The following ZNF385D variants were observed in gnomAD, a reference collection of about 807,000 sequenced individuals.
The protein encoded by ZNF385D is zinc finger protein 659.
In ZNF385D, 15 loss-of-function variants were observed where a neutral mutation model predicts 35.8. The observed-to-expected ratio is 0.42, with a 90% confidence interval of 0.28 to 0.64. ZNF385D has a LOEUF of 0.64. Among genes scored for constraint, ZNF385D ranks in the 30% least tolerant of loss-of-function variants. ZNF385D has a pLI of 0.23. For missense variants in ZNF385D, 474 were observed against 494.6 expected, an observed-to-expected ratio of 0.96 and a Z score of 0.39; for synonymous variants, 212 against 186.8, an observed-to-expected ratio of 1.13 and a Z score of -1.10.
chr3:21,801,645 TA>T (rs2072408199), intron 3 of ZNF385D, among the ~76,000 whole-genome samples: 1 of 152,106 alleles, frequency 6.6e-6, no homozygotes, highest in Non-Finnish European at 1.5e-5. Flanking sequence ...ATAGGAAAAC[TA>T]CAAAGGAATA....
intron 3 of ZNF385D, among the ~76,000 whole-genome samples, chr3:21,792,253 T>C (rs576867869): frequency 6.6e-6 from 1 of 152,318 alleles, no homozygotes; most frequent in Admixed American, 6.5e-5. Flanking sequence ...GACATGCTGT[T>C]CTTTCATAGA....
At chr3:22,062,778 G>A (rs1699756601) in intron 3 of ZNF385D, among the ~76,000 whole-genome samples, 1 of 152,184 alleles carries the variant, frequency 6.6e-6, no homozygotes, top group Admixed American at 6.5e-5. Flanking sequence ...TGTATCTCTG[G>A]AAGATGCCAG....
intron 2 of ZNF385D, among the ~76,000 whole-genome samples, chr3:22,210,181 G>A (rs757646770): frequency 3.3e-5 from 5 of 151,784 alleles, no homozygotes; most frequent in African/African-American, 7.2e-5. Context: ...TGTGCTTAAC[G>A]CCCATTTAGA....
At chr3:21,471,781 A>T (rs1703913428) in intron 4 of ZNF385D, among the ~76,000 whole-genome samples, 2 of 152,136 alleles carry the variant, frequency 1.3e-5, no homozygotes. Context: ...TTTTGAGTAG[A>T]TTTACAGGGT....
chr3:22,228,393 C>T lies in ZNF385D; in HGVS notation c.107-59358G>A, dbSNP rs184995372. On this transcript the variant is annotated intron_variant, in intron 2 of 5. Transcript: ENST00000494108. Reference sequence around the variant, plus strand: ...CCAACCCCCCATGCAGCAGCCAAGCCCACCCAAACTGAGGAAACCTGGAGA... The same window carrying T: ...CCAACCCCCCATGCAGCAGCCAAGCTCACCCAAACTGAGGAAACCTGGAGA... Among the ~76,000 whole-genome samples the T allele has an allele frequency of 1.3e-3, 200 of 152,192 alleles. 1 individual carries two copies. Among genetic ancestry groups the T allele is most frequent in the African/African-American group, 4.6e-3 (190 of 41,534 alleles).
At chr3:22,032,087 G>A (rs913595116) in intron 3 of ZNF385D, among the ~76,000 whole-genome samples, 1 of 152,150 alleles carries the variant, frequency 6.6e-6, no homozygotes, top group Non-Finnish European at 1.5e-5. Flanking sequence ...CTCCATCTGA[G>A]ACCACCCCAG....
Position 21,678,391 on chromosome 3 carries a change from T to C in ZNF385D, c.23-13363A>G, listed in dbSNP as rs1243271401. Among the ~76,000 whole-genome samples the C allele has an allele frequency of 2.6e-5, 4 of 152,098 alleles. No homozygotes were observed. In the East Asian group the frequency reaches 7.7e-4, roughly 29 times the overall value. On this transcript the variant is annotated intron_variant, in intron 1 of 7. Coordinates refer to ENST00000281523, the MANE Select transcript of ZNF385D (RefSeq NM_024697.3). The stretch of plus-strand genomic sequence containing the variant: ...ACCTGAGATTCGCTCATGATTCCAA[T>C]GTGACTGAATGCCTTGAGAATATAC...
chr3:21,973,154 G>A (rs1002996996), intron 3 of ZNF385D, among the ~76,000 whole-genome samples: 1 of 151,762 alleles, frequency 6.6e-6, no homozygotes, highest in Admixed American at 6.6e-5. Context: ...GAACACTGAC[G>A]CGAATTTCCT....
intron 2 of ZNF385D, among the ~76,000 whole-genome samples, chr3:22,313,055 A>AT (rs1297818746): frequency 3.3e-5 from 5 of 152,046 alleles, no homozygotes; most frequent in African/African-American, 1.2e-4. Context: ...TATACCATGG[A>AT]ATACTATGCA....
At chr3:21,435,391 G>A (rs1701499581) in intron 5 of ZNF385D, among the ~76,000 whole-genome samples, 1 of 151,192 alleles carries the variant, frequency 6.6e-6, no homozygotes, top group African/African-American at 2.4e-5. Context: ...CTGAGTAGCT[G>A]CAACTACAGG....
At chr3:22,187,895 G>A (rs145879586) in intron 2 of ZNF385D, among the ~76,000 whole-genome samples, 2 of 152,250 alleles carry the variant, frequency 1.3e-5, no homozygotes, top group East Asian at 3.9e-4. Flanking sequence ...TAGGCAGAAT[G>A]ATGCAAGCTC....
At chr3:22,161,172 A>C (rs1462340414) in intron 3 of ZNF385D, among the ~76,000 whole-genome samples, 1 of 151,910 alleles carries the variant, frequency 6.6e-6, no homozygotes. Context: ...AGAAATCTCA[A>C]CTCCACTACT....
chr3:22,275,428 G>A (rs1458348580), intron 2 of ZNF385D, among the ~76,000 whole-genome samples: 1 of 152,062 alleles, frequency 6.6e-6, no homozygotes, highest in Non-Finnish European at 1.5e-5. Context: ...TAATTACAAA[G>A]TACAATGGTT....
At chr3:21,749,258 A>G (rs2069936246) in intron 1 of ZNF385D, among the ~76,000 whole-genome samples, 4 of 152,216 alleles carry the variant, frequency 2.6e-5, no homozygotes, top group Admixed American at 2.6e-4. Flanking sequence ...GCATACAGTT[A>G]ATAACACAAG....
chr3:22,132,722 G>A (rs970068976), intron 3 of ZNF385D, among the ~76,000 whole-genome samples: 4 of 151,884 alleles, frequency 2.6e-5, no homozygotes, highest in African/African-American at 9.7e-5. Flanking sequence ...TAGTGCATAA[G>A]AGATAGTAAT....
chr3:21,494,124 CAA>C (rs779896292), intron 4 of ZNF385D, among the ~76,000 whole-genome samples: 1 of 152,080 alleles, frequency 6.6e-6, no homozygotes, highest in Non-Finnish European at 1.5e-5. Context: ...AAATTTTACA[CAA>C]AGAGATCAAA....
At chr3:22,041,001 C>T (rs1698631640) in intron 3 of ZNF385D, among the ~76,000 whole-genome samples, 1 of 152,020 alleles carries the variant, frequency 6.6e-6, no homozygotes. Context: ...CAGAGAATCG[C>T]ATTTACTGGC....
chr3:21,571,428 G>A (rs1372019658), intron 2 of ZNF385D, among the ~76,000 whole-genome samples: 2 of 152,122 alleles, frequency 1.3e-5, no homozygotes, highest in Non-Finnish European at 2.9e-5. Context: ...CATGTGATTT[G>A]TTGGATATAG....
At chr3:22,063,397 C>A (rs189497390) in intron 3 of ZNF385D, among the ~76,000 whole-genome samples, 1 of 151,618 alleles carries the variant, frequency 6.6e-6, no homozygotes, top group Non-Finnish European at 1.5e-5. Context: ...CTCAGAGTTA[C>A]AGAGAGCCTA....
Sources: allele counts gnomAD v4.1 joint callset (sites outside exome capture counted in the v4.1 genomes callset), GRCh38; gene constraint gnomAD v4.1.1; transcripts MANE v1.5; gene names NCBI Gene and HGNC (gene_info 2026-07-23, HGNC 2026-07-21).